DCAF6: variants seen among roughly 807,000 people sequenced by gnomAD.
DCAF6 encodes DDB1 and CUL4 associated factor 6.
Under a neutral mutation model 125.1 loss-of-function variants are expected in DCAF6, and 54 were observed. That is an observed-to-expected ratio of 0.43 (90% CI 0.35 to 0.54). The LOEUF (loss-of-function observed/expected upper bound fraction) is 0.54. DCAF6 is among the 20% of genes least tolerant of loss of function. DCAF6 has a pLI of 0.01. For synonymous variants in DCAF6, 371 were observed against 390.4 expected, an observed-to-expected ratio of 0.95 and a Z score of 0.58; for missense variants, 934 against 1,161.7, an observed-to-expected ratio of 0.80 and a Z score of 2.85.
At chr1:168,009,386 C>CCTTCCTTTCTTT (rs1374012470) in intron 10 of DCAF6, among the ~76,000 whole-genome samples, 2 of 75,542 alleles carry the variant, frequency 2.6e-5, no homozygotes, top group African/African-American at 1.0e-4. Context: ...TTCCTTCCTT[C>CCTTCCTTTCTTT]CTTTCTTTCT....
the DCAF6 span, among the ~76,000 whole-genome samples, chr1:167,921,469 GCC>G: frequency 1.4e-4 from 21 of 152,066 alleles, no homozygotes; most frequent in African/African-American, 5.1e-4. Context: ...TGATCCGCCC[GCC>G]TCAACCTCCC....
chr1:168,002,436 G>A, intron 7 of DCAF6, 46 bp from the exon 8 acceptor site: 2 of 1,514,808 alleles, frequency 1.3e-6, no homozygotes, highest in Non-Finnish European at 1.8e-6. Context: ...GTTGAGAGTA[G>A]ATGAGTTTTA....
At chr1:168,013,090 A>G (rs1684515059) in intron 10 of DCAF6, among the ~76,000 whole-genome samples, 3 of 152,200 alleles carry the variant, frequency 2.0e-5, no homozygotes, top group African/African-American at 2.4e-5. Flanking sequence ...ATGGCTGTAT[A>G]ATAATGCTTT....
chr1:167,897,404 G>C, the DCAF6 span, among the ~76,000 whole-genome samples: 1 of 150,710 alleles, frequency 6.6e-6, no homozygotes, highest in Admixed American at 6.6e-5. Flanking sequence ...GGCTGTGGTG[G>C]GAGAATCGCT....
At chr1:167,999,159 T>C (rs74120591) in intron 7 of DCAF6, among the ~76,000 whole-genome samples, 4,575 of 152,290 alleles carry the variant, frequency 0.03, 239 homozygotes, top group African/African-American at 0.1. Flanking sequence ...GATGACCAGG[T>C]GCATTGTCAA....
the DCAF6 span, among the ~76,000 whole-genome samples, chr1:167,873,414 A>T: frequency 6.6e-6 from 1 of 151,974 alleles, no homozygotes; most frequent in Non-Finnish European, 1.5e-5. Flanking sequence ...ATTGTGGCCC[A>T]ATATTTCTCC....
intron 1 of DCAF6, among the ~76,000 whole-genome samples, chr1:167,948,485 A>G (rs1007574215): frequency 1.3e-5 from 2 of 152,150 alleles, no homozygotes; most frequent in African/African-American, 4.8e-5. Flanking sequence ...TCTTGCCCCA[A>G]CCATCTCTAT....
At chr1:167,880,402 C>T in the DCAF6 span, 2 of 1,082,530 alleles carry the variant, frequency 1.8e-6, no homozygotes, top group Non-Finnish European at 2.9e-6. Context: ...TTAATTAATT[C>T]TTCTTTCTTT....
chr1:167,986,963 CTA>C (rs1340127719), intron 4 of DCAF6, among the ~76,000 whole-genome samples: 2 of 152,110 alleles, frequency 1.3e-5, no homozygotes, highest in East Asian at 1.9e-4. Flanking sequence ...GACATTTAAA[CTA>C]TTGTTTTGAG....
chr1:168,006,815 C>T (rs1212310198), intron 10 of DCAF6, among the ~76,000 whole-genome samples: 2 of 151,978 alleles, frequency 1.3e-5, no homozygotes, highest in Non-Finnish European at 2.9e-5. Context: ...TTTACATGTC[C>T]TCCCTCATTT....
At chr1:167,901,360 T>C in the DCAF6 span, among the ~76,000 whole-genome samples, 3 of 152,150 alleles carry the variant, frequency 2.0e-5, no homozygotes, top group African/African-American at 7.2e-5. Context: ...GATGGAATAA[T>C]AATAACAGCA....
intron 3 of DCAF6, among the ~76,000 whole-genome samples, chr1:167,973,746 T>G (rs536937299): frequency 1.9e-4 from 28 of 147,502 alleles, no homozygotes; most frequent in African/African-American, 7.0e-4. Flanking sequence ...ACAACAGATA[T>G]TCCCCACTCA....
rs553940049 is a variant in DCAF6 at position 168,028,158 on chromosome 1, ATC to A, written c.1609+5117_1609+5118del. ...ATGGGTAGTTTTAGTTTTCCTTTTT[ATC>A]TCTCTACTATAAGAGGAAAAATTCT... On this transcript the variant is annotated intron_variant, in intron 12 of 21. Coordinates refer to ENST00000367840, the MANE Select transcript of DCAF6 (RefSeq NM_001198956.2). 1.1e-4 allele frequency among the ~76,000 whole-genome samples: 17 copies of A among 152,110 alleles called. No homozygotes were observed. The South Asian group carries it at 3.5e-3, about 32-fold the overall frequency.
At chr1:168,049,431 G>GTTGTTT (rs749459860) in intron 16 of DCAF6, among the ~76,000 whole-genome samples, 4 of 101,234 alleles carry the variant, frequency 4.0e-5, no homozygotes, top group African/African-American at 1.6e-4. Flanking sequence ...TGTTGTTGTT[G>GTTGTTT]TTTTTTTTTT....
intron 7 of DCAF6, among the ~76,000 whole-genome samples, chr1:167,996,962 A>G (rs1307057009): frequency 6.6e-6 from 1 of 152,094 alleles, no homozygotes; most frequent in African/African-American, 2.4e-5. Context: ...TCTCCATAAC[A>G]GTAACTTTCT....
At chr1:168,027,342 A>G (rs1199837069) in intron 12 of DCAF6, among the ~76,000 whole-genome samples, 1 of 152,096 alleles carries the variant, frequency 6.6e-6, no homozygotes, top group African/African-American at 2.4e-5. Context: ...TGTGTGTTCA[A>G]GATGTAAGGG....
chr1:168,009,382 CCT>C (rs1683889341), intron 10 of DCAF6, among the ~76,000 whole-genome samples: 2 of 108,022 alleles, frequency 1.9e-5, no homozygotes, highest in African/African-American at 8.1e-5. Context: ...TTCCTTCCTT[CCT>C]TCCTTTCTTT....
chr1:167,992,252 TACACACACACACAC>T (rs761598229), intron 6 of DCAF6, among the ~76,000 whole-genome samples: 1 of 143,092 alleles, frequency 7.0e-6, no homozygotes, highest in South Asian at 2.3e-4. Context: ...AGGCCAGGAT[TACACACACACACAC>T]ACACACACAC....
chr1:168,034,433 C>G (rs1687539719), intron 12 of DCAF6, among the ~76,000 whole-genome samples: 1 of 152,058 alleles, frequency 6.6e-6, no homozygotes. Context: ...TTCACTTGAG[C>G]CCAGAAGTTT....
Sources: allele counts gnomAD v4.1 joint callset (sites outside exome capture counted in the v4.1 genomes callset), GRCh38; gene constraint gnomAD v4.1.1; transcripts MANE v1.5; gene names NCBI Gene and HGNC (gene_info 2026-07-23, HGNC 2026-07-21).